The following ITPRIPL2 variants were observed in gnomAD, a reference collection of about 807,000 sequenced individuals.
The protein encoded by ITPRIPL2 is inositol 1,4,5-trisphosphate receptor-interacting protein-like 2.
In ITPRIPL2, 29 loss-of-function variants were observed where a neutral mutation model predicts 31.7. The observed-to-expected ratio is 0.91, with a 90% CI of 0.68 to 1.25. ITPRIPL2 has a LOEUF of 1.25. Among genes scored for constraint, ITPRIPL2 ranks in the 50% most tolerant of loss-of-function variants. ITPRIPL2 has a pLI of 0.00. For synonymous variants in ITPRIPL2, 344 were observed against 343.4 expected (o/e 1.00, Z -0.02); for missense variants, 696 against 739.1 (o/e 0.94, Z 0.68).
In ITPRIPL2 at chr16:19,115,063, C is replaced by A; in HGVS notation, c.602C>A (p.Pro201Gln). 1 of 1,598,226 alleles carries A rather than the reference C, an allele frequency of 6.3e-7. No individual in the cohort carries two copies. The highest frequency in any genetic ancestry group is 8.5e-7 in the Non-Finnish European group (1 of 1,179,190). ...CTGGGCGAGGAGCCAGCGCTGGCCC[C>A]GGCCTTCCGCGGCTGCTTCTTGTGC... ...RSLGEEPALA[P>Q]AFRGCFLCAL... The change falls in exon 1 of 1, where the codon CCG becomes CAG. Residue 201 changes from proline to glutamine, a missense_variant. Physicochemically the swap from Pro to Gln is moderately conservative, Grantham distance 76. Coordinates refer to ENST00000381440, the MANE Select transcript of ITPRIPL2 (RefSeq NM_001034841.4).
Position 19,119,093 on chromosome 16 carries a change from T to G in ITPRIPL2, c.*3024T>G. 2 of 413,512 alleles carry G rather than the reference T, an allele frequency of 4.8e-6. No homozygotes were observed. The highest frequency in any genetic ancestry group is 8.8e-6 in the Non-Finnish European group (2 of 226,144). 25.6% of individuals were successfully genotyped at this position (413,512 alleles called of 1,614,324 possible). On this transcript the variant is annotated 3_prime_UTR_variant, in exon 1 of 1. Coordinates refer to ENST00000381440, the MANE Select transcript of ITPRIPL2 (RefSeq NM_001034841.4). ...TCAGTCATTTTGTGGCGAGACACCC[T>G]TTGGTAACTCCCACTGACCAGTCTT... is the stretch of plus-strand genomic sequence containing the variant.
In ITPRIPL2 at chr16:19,115,714, A is replaced by T; in HGVS notation, c.1253A>T (p.Lys418Met). The T allele has an allele frequency of 6.2e-7, 1 of 1,612,936 alleles. No homozygotes were observed. Residue 418 changes from lysine (K) to methionine (M), a missense_variant, in exon 1 of 1, where the codon AAG (lysine) becomes ATG (methionine). Lys to Met is a moderately conservative substitution (Grantham distance 95). Coordinates refer to ENST00000381440, the MANE Select transcript of ITPRIPL2 (RefSeq NM_001034841.4). ...GTGCTGCTGGCAGTGCTGCTGCGCA[A>T]GGGGGCCCCTGGGCAAGGCTGGGAC... is the stretch of plus-strand genomic sequence containing the variant. The part of the protein sequence containing the change: ...KTVLLAVLLR[K>M]GAPGQGWDEE...
In ITPRIPL2 at chr16:19,114,694, C is replaced by A. The variant is rs1274693123; in HGVS notation, c.233C>A (p.Ser78Tyr). ...GTCCGGCAGCGCTTCCTGCCCGGGTCTCCCCGTCTGGAGGGTCACGCCGCC... is the reference window on the plus strand; with the variant it reads ...GTCCGGCAGCGCTTCCTGCCCGGGTATCCCCGTCTGGAGGGTCACGCCGCC... ...HAVRQRFLPG[S>Y]PRLEGHAAFS... is the part of the protein sequence containing the mutation. Residue 78 changes from serine to tyrosine, a missense_variant, in exon 1 of 1, where the codon TCT (serine) becomes TAT (tyrosine). By Grantham distance (144) the Ser-to-Tyr change is moderately radical. Coordinates refer to ENST00000381440, the MANE Select transcript of ITPRIPL2 (RefSeq NM_001034841.4). 6.2e-7 allele frequency: 1 copy of A among 1,612,530 alleles called. No homozygotes were observed. Among genetic ancestry groups the A allele is most frequent in the Non-Finnish European group, 8.5e-7 (1 of 1,179,768 alleles).
rs141346235 is a variant in ITPRIPL2, at chr16:19,115,317, C to T, written c.856C>T (p.Pro286Ser). 35 of 1,613,206 alleles carry T rather than the reference C, an allele frequency of 2.2e-5. No individual in the cohort carries two copies. The African/African-American group carries it at 3.3e-4, about 15-fold the overall frequency. ...VTLTPGGLEQ[P>S]PTLHILPCRT... The stretch of plus-strand genomic sequence containing the variant: ...CTTGACCCCAGGTGGCCTGGAACAG[C>T]CCCCCACCTTACACATCTTGCCCTG... The change falls in exon 1 of 1, where the codon CCC (proline) becomes TCC (serine). Residue 286 changes from proline to serine, a missense_variant. Transcript: ENST00000381440.
rs16971597 is a variant in ITPRIPL2, at chr16:19,117,453, G to A, written c.*1384G>A. On this transcript the variant is annotated 3_prime_UTR_variant, in exon 1 of 1. Transcript: ENST00000381440. ...AGGTGTCAGTATCACCAGGTTGGGT[G>A]TATTTTGCAGCTGGGAGGAGCCGGT... The A allele has an allele frequency of 0.1, 17,433 of 167,036 alleles. 2,683 individuals carry two copies. Among genetic ancestry groups the A allele is most frequent in the African/African-American group, 0.35 (14,457 of 41,456 alleles). 10.3% of individuals were successfully genotyped at this position (167,036 alleles called of 1,614,324 possible).
At position 19,114,566 on chromosome 16, in the gene ITPRIPL2, C is replaced by A; in HGVS notation, c.105C>A (p.Gly35=). Reference sequence around the variant, plus strand: ...ACCATGTCCTGCGGGGAAGCGGGGGCGCCCGGGCCGAGCCCGCCGACGGCG... The same window carrying A: ...ACCATGTCCTGCGGGGAAGCGGGGGAGCCCGGGCCGAGCCCGCCGACGGCG... ...CLYHVLRGSG[G]ARAEPADGVD... is the part of the protein sequence containing the mutation. Residue 35 remains glycine (G), a synonymous_variant, in exon 1 of 1, where the codon GGC becomes GGA. Transcript: ENST00000381440. 1 of 1,546,168 alleles carries A rather than the reference C, an allele frequency of 6.5e-7. No individual in the cohort carries two copies. The highest frequency in any genetic ancestry group is 8.7e-7 in the Non-Finnish European group (1 of 1,151,258).
At position 19,119,737 on chromosome 16, in the gene ITPRIPL2, A is replaced by G. The variant is rs1963490137; in HGVS notation, c.*3668A>G. 1.2e-5 allele frequency: 2 copies of G among 167,112 alleles called. No homozygotes were observed. Among genetic ancestry groups the G allele is most frequent in the Non-Finnish European group, 2.9e-5 (2 of 68,110 alleles). 10.4% of individuals were successfully genotyped at this position (167,112 alleles called of 1,614,324 possible). A position where few individuals can be genotyped will look rare whatever the true frequency, so the allele number is the denominator to read the frequency against. On this transcript the variant is annotated 3_prime_UTR_variant, in exon 1 of 1. Transcript: ENST00000381440. ...GCTTTATTGTAGAAGAAAAAAAAAAAAGTTAACACAGCCATAGATAACACT... is the reference window on the plus strand; with the variant it reads ...GCTTTATTGTAGAAGAAAAAAAAAAGAGTTAACACAGCCATAGATAACACT...
At position 19,114,577 on chromosome 16, in the gene ITPRIPL2, A is replaced by G. The variant is rs1963406360; in HGVS notation, c.116A>G (p.Glu39Gly). Reference protein sequence around the residue: ...VLRGSGGARAEPADGVDGGFP... With the variant: ...VLRGSGGARAGPADGVDGGFP... ...CGGGGAAGCGGGGGCGCCCGGGCCG[A>G]GCCCGCCGACGGCGTGGATGGCGGC... The change falls in exon 1 of 1, where the codon GAG (glutamate) becomes GGG (glycine). Residue 39 changes from glutamate to glycine, a missense_variant. Transcript: ENST00000381440. The G allele has an allele frequency of 6.4e-7, 1 of 1,562,254 alleles. No individual in the cohort carries two copies. Among genetic ancestry groups the G allele is most frequent in the Non-Finnish European group, 8.6e-7 (1 of 1,158,950 alleles).
At position 19,117,431 on chromosome 16, in the gene ITPRIPL2, T is replaced by C. The variant is rs1215745156; in HGVS notation, c.*1362T>C. ...GCAGTCTGTCTCTTTTCTCTTTAGG[T>C]GTCAGTATCACCAGGTTGGGTGTAT... is the stretch of plus-strand genomic sequence containing the variant. On this transcript the variant is annotated 3_prime_UTR_variant, in exon 1 of 1. Transcript: ENST00000381440. The C allele has an allele frequency of 1.2e-5, 2 of 167,020 alleles. No individual in the cohort carries two copies. Among genetic ancestry groups the C allele is most frequent in the Non-Finnish European group, 2.9e-5 (2 of 68,106 alleles). The allele number at this position is 167,020 out of a possible 1,614,324, so 10.3% of individuals were successfully genotyped here.
chr16:19,115,377 G>A lies in ITPRIPL2; in HGVS notation c.916G>A (p.Ala306Thr). 6.2e-7 allele frequency: 1 copy of A among 1,613,150 alleles called. No individual in the cohort carries two copies. Among genetic ancestry groups the A allele is most frequent in the Non-Finnish European group, 8.5e-7 (1 of 1,179,986 alleles). The change falls in exon 1 of 1, where the codon GCT (alanine) becomes ACT (threonine). Residue 306 changes from alanine to threonine, a missense_variant. Transcript: ENST00000381440. ...CTACGGCTGCTGCCGCCTTTCTATG[G>A]CTGTGCGTCTCATCCCCGCTGTCCA... The part of the protein sequence containing the change: ...TDYGCCRLSM[A>T]VRLIPAVHLG...
rs1486182384 is a variant in ITPRIPL2 at position 19,116,597 on chromosome 16, G to A, written c.*528G>A. 3 of 167,658 alleles carry A rather than the reference G, an allele frequency of 1.8e-5. 1 individual carries two copies. Among genetic ancestry groups the A allele is most frequent in the South Asian group, 4.1e-4 (2 of 4,822 alleles). The allele number at this position is 167,658 out of a possible 1,614,324, so 10.4% of individuals were successfully genotyped here. ...TCTATTTTAGGGGCTAATGTTTAGAGGAACATAATTTCCACTGTTCAAATT... is the reference window on the plus strand; with the variant it reads ...TCTATTTTAGGGGCTAATGTTTAGAAGAACATAATTTCCACTGTTCAAATT... On this transcript the variant is annotated 3_prime_UTR_variant, in exon 1 of 1. Coordinates refer to ENST00000381440, the MANE Select transcript of ITPRIPL2 (RefSeq NM_001034841.4).
rs1019966285 is a variant in ITPRIPL2 at position 19,114,049 on chromosome 16, G to A, written c.-413G>A. ...GCGCGGCCTCGCCTCCCCCTCGGAA[G>A]AGGAAACTCCCGGGGTCCGAGTAAC... On this transcript the variant is annotated 5_prime_UTR_variant, in exon 1 of 1. Transcript: ENST00000381440. The A allele has an allele frequency of 5.0e-6, 2 of 397,706 alleles. No homozygotes were observed. Among genetic ancestry groups the A allele is most frequent in the African/African-American group, 4.1e-5 (2 of 48,612 alleles). 24.6% of individuals were successfully genotyped at this position (397,706 alleles called of 1,614,324 possible).
At position 19,120,677 on chromosome 16, in the gene ITPRIPL2, TG is replaced by T. The variant is rs1963509029; in HGVS notation, c.*4610del. ...TGGGGTTTCATCATGTTGGCCAGGC[TG>T]GTCTCGAACTCCTGACCTCAGGTGA... is the stretch of plus-strand genomic sequence containing the variant. On this transcript the variant is annotated 3_prime_UTR_variant, in exon 1 of 1. Transcript: ENST00000381440. 6.8e-6 allele frequency: 1 copy of T among 147,792 alleles called. No homozygotes were observed. Among genetic ancestry groups the T allele is most frequent in the Non-Finnish European group, 1.5e-5 (1 of 66,664 alleles). 9.2% of individuals were successfully genotyped at this position (147,792 alleles called of 1,614,324 possible). A position where few individuals can be genotyped will look rare whatever the true frequency, so the allele number is the denominator to read the frequency against.
chr16:19,114,948 T>A lies in ITPRIPL2; in HGVS notation c.487T>A (p.Tyr163Asn). ...RGDFIQVGSA[Y>N]EQHKIRRPDS... ...AGACTTCATCCAGGTGGGCAGCGCC[T>A]ACGAGCAACATAAAATCCGCCGGCC... Residue 163 changes from tyrosine (Y) to asparagine (N), a missense_variant, in exon 1 of 1, where the codon TAC becomes AAC. Tyr to Asn is a moderately radical substitution (Grantham distance 143). Transcript: ENST00000381440. 6.2e-7 allele frequency: 1 copy of A among 1,607,426 alleles called. No homozygotes were observed. Among genetic ancestry groups the A allele is most frequent in the African/African-American group, 1.3e-5 (1 of 75,026 alleles).
At position 19,114,515 on chromosome 16, in the gene ITPRIPL2, C is replaced by T. The variant is rs1037428665; in HGVS notation, c.54C>T (p.Gly18=). ...NLRVFWPLVT[G]LCTALVCLYH... is the part of the protein sequence containing the mutation. Reference sequence around the variant, plus strand: ...GCGTCTTCTGGCCCCTGGTGACCGGCCTGTGCACCGCCCTGGTGTGCCTCT... The same window carrying T: ...GCGTCTTCTGGCCCCTGGTGACCGGTCTGTGCACCGCCCTGGTGTGCCTCT... The change falls in exon 1 of 1, where the codon GGC becomes GGT. Residue 18 remains glycine (G), a synonymous_variant. Coordinates refer to ENST00000381440, the MANE Select transcript of ITPRIPL2 (RefSeq NM_001034841.4). 6.8e-7 allele frequency: 1 copy of T among 1,467,354 alleles called. No homozygotes were observed. Among genetic ancestry groups the T allele is most frequent in the South Asian group, 1.4e-5 (1 of 70,808 alleles). 90.9% of individuals were successfully genotyped at this position (1,467,354 alleles called of 1,614,324 possible).
Position 19,118,667 on chromosome 16 carries a change from A to C in ITPRIPL2, c.*2598A>C. ...TTTTAAATTTTATTTTTTTAAAATA[A>C]ATTGTGCATTGTATTTGTGAATTTT... is the stretch of plus-strand genomic sequence containing the variant. On this transcript the variant is annotated 3_prime_UTR_variant, in exon 1 of 1. Transcript: ENST00000381440. 4.3e-6 allele frequency: 1 copy of C among 233,818 alleles called. No homozygotes were observed. Among genetic ancestry groups the C allele is most frequent in the Non-Finnish European group, 8.9e-6 (1 of 112,892 alleles). The allele number at this position is 233,818 out of a possible 1,614,324, so 14.5% of individuals were successfully genotyped here. A position where few individuals can be genotyped will look rare whatever the true frequency, so the allele number is the denominator to read the frequency against.
In ITPRIPL2 at chr16:19,118,481, AG is replaced by A; in HGVS notation, c.*2413del. The A allele has an allele frequency of 6.1e-6, 1 of 164,770 alleles. No individual in the cohort carries two copies. 10.2% of individuals were successfully genotyped at this position (164,770 alleles called of 1,614,324 possible). Reference sequence around the variant, plus strand: ...CTCCGTCTCAAAAAAAAAAAAAAAAAGCTTTAAAAAGCTGAATTTTAGAAAT... The same window carrying A: ...CTCCGTCTCAAAAAAAAAAAAAAAAACTTTAAAAAGCTGAATTTTAGAAAT... On this transcript the variant is annotated 3_prime_UTR_variant, in exon 1 of 1. Transcript: ENST00000381440.
rs548710629 is a variant in ITPRIPL2 at position 19,119,577 on chromosome 16, A to G, written c.*3508A>G. The G allele has an allele frequency of 3.6e-5, 6 of 167,278 alleles. No individual in the cohort carries two copies. Among genetic ancestry groups the G allele is most frequent in the South Asian group, 4.1e-4 (2 of 4,822 alleles). 10.4% of individuals were successfully genotyped at this position (167,278 alleles called of 1,614,324 possible). A position where few individuals can be genotyped will look rare whatever the true frequency, so the allele number is the denominator to read the frequency against. On this transcript the variant is annotated 3_prime_UTR_variant, in exon 1 of 1. Transcript: ENST00000381440. ...AAACATTTGTTTGAGCCTGGGGGCC[A>G]CCAGTTTGCGACCACTGCCTTACGT...
rs529943468 is a variant in ITPRIPL2 at position 19,114,647 on chromosome 16, C to G, written c.186C>G (p.Val62=). Residue 62 remains valine, a synonymous_variant, in exon 1 of 1, where the codon GTC becomes GTG. Coordinates refer to ENST00000381440, the MANE Select transcript of ITPRIPL2 (RefSeq NM_001034841.4). ...CCGTCCTGCTCCTCCTCAGCTATGTCCTCCTGCGCTGTCGCCACGCTGTCC... is the reference window on the plus strand; with the variant it reads ...CCGTCCTGCTCCTCCTCAGCTATGTGCTCCTGCGCTGTCGCCACGCTGTCC... ...KVAVLLLLSY[V]LLRCRHAVRQ... The G allele has an allele frequency of 6.2e-7, 1 of 1,606,598 alleles. No homozygotes were observed. Among genetic ancestry groups the G allele is most frequent in the Admixed American group, 1.7e-5 (1 of 59,670 alleles).
Sources: allele counts gnomAD v4.1 joint callset, GRCh38; gene constraint gnomAD v4.1.1; transcripts MANE v1.5; gene names NCBI Gene and HGNC (gene_info 2026-07-23, HGNC 2026-07-21).